MAPRE1: variants seen among roughly 807,000 people sequenced by gnomAD.
MAPRE1 encodes the protein microtubule associated protein RP/EB family member 1, also known as microtubule-associated protein RP/EB family member 1.
Under a neutral mutation model 32.1 loss-of-function variants are expected in MAPRE1, and 5 were observed. The ratio of observed to expected loss-of-function variants is 0.16; its 90% confidence interval spans 0.08 to 0.33. The LOEUF is 0.33. MAPRE1 is among the 10% of genes least tolerant of loss of function. MAPRE1 has a pLI of 1.00. For missense variants in MAPRE1, 209 were observed against 327.2 expected, an observed-to-expected ratio of 0.64 and a Z score of 2.79; for synonymous variants, 122 against 118.9, an observed-to-expected ratio of 1.03 and a Z score of -0.17.
chr20:32,828,189 G>T (rs887294011), intron 2 of MAPRE1, among the ~76,000 whole-genome samples: 3 of 151,958 alleles, frequency 2.0e-5, no homozygotes, highest in African/African-American at 7.3e-5. Flanking sequence ...TCTGTGCTGT[G>T]TCCCCCCCAC....
chr20:32,833,766 C>A lies in MAPRE1; in HGVS notation c.171C>A (p.Ala57=). 6.2e-7 allele frequency: 1 copy of A among 1,614,004 alleles called. No homozygotes were observed. Among genetic ancestry groups the A allele is most frequent in the Non-Finnish European group, 8.5e-7 (1 of 1,179,954 alleles). Residue 57 remains alanine, a synonymous_variant, in exon 3 of 7, where the codon GCC becomes GCA. Coordinates refer to ENST00000375571, the MANE Select transcript of MAPRE1 (RefSeq NM_012325.3). ...FMDMLFPGSI[A]LKKVKFQAKL... is the part of the protein sequence containing the mutation. ...ACATGCTGTTCCCTGGCTCCATTGC[C>A]TTGAAGAAAGTGAAATTCCAAGCTA...
intron 4 of MAPRE1, among the ~76,000 whole-genome samples, chr20:32,838,751 AG>A (rs1355402988): frequency 1.3e-5 from 2 of 152,228 alleles, no homozygotes; most frequent in Non-Finnish European, 2.9e-5. Context: ...ACGTGCATTA[AG>A]CATTTAGTCT....
In MAPRE1 at chr20:32,836,840, A is replaced by C; in HGVS notation, c.474A>C (p.Ala158=). 1 of 1,588,856 alleles carries C rather than the reference A, an allele frequency of 6.3e-7. No homozygotes were observed. Among genetic ancestry groups the C allele is most frequent in the Non-Finnish European group, 8.5e-7 (1 of 1,173,218 alleles). Reference sequence around the variant, plus strand: ...AGAAACCTCTCACTTCTAGCAGTGCAGGTAAAAAAACAACCCCAAAACGTT... The same window carrying C: ...AGAAACCTCTCACTTCTAGCAGTGCCGGTAAAAAAACAACCCCAAAACGTT... ...KPKKPLTSSS[A]APQRPISTQR... The change falls in exon 4 of 7, where the codon GCA becomes GCC. Residue 158 remains alanine, a splice_region_variant and synonymous_variant. Transcript: ENST00000375571.
At chr20:32,834,705 G>A (rs1983137039) in intron 3 of MAPRE1, among the ~76,000 whole-genome samples, 1 of 151,764 alleles carries the variant, frequency 6.6e-6, no homozygotes, top group Non-Finnish European at 1.5e-5. Flanking sequence ...TAACTTTCCA[G>A]GCATAGTTTA....
chr20:32,845,874 T>C (rs1017530860), intron 5 of MAPRE1, among the ~76,000 whole-genome samples: 2 of 152,206 alleles, frequency 1.3e-5, no homozygotes, highest in African/African-American at 4.8e-5. Flanking sequence ...GAGGTCGTTC[T>C]CAGTGGCTGT....
intron 5 of MAPRE1, among the ~76,000 whole-genome samples, chr20:32,845,284 T>C (rs1189678362): frequency 6.6e-6 from 1 of 152,132 alleles, no homozygotes; most frequent in East Asian, 1.9e-4. Context: ...CAAGCGATCC[T>C]CTCACCTTGA....
chr20:32,839,510 A>G (rs1439803330), intron 4 of MAPRE1, among the ~76,000 whole-genome samples: 1 of 152,180 alleles, frequency 6.6e-6, no homozygotes, highest in East Asian at 1.9e-4. Context: ...CCAGCATGAA[A>G]CATCATGACA....
At chr20:32,838,994 A>T (rs1983277789) in intron 4 of MAPRE1, among the ~76,000 whole-genome samples, 1 of 151,862 alleles carries the variant, frequency 6.6e-6, no homozygotes, top group African/African-American at 2.4e-5. Context: ...TGGCTCCTTT[A>T]CTCCTTTTTT....
chr20:32,839,306 A>G (rs142970497), intron 4 of MAPRE1, among the ~76,000 whole-genome samples: 4 of 152,330 alleles, frequency 2.6e-5, no homozygotes, highest in South Asian at 2.1e-4. Flanking sequence ...CCTTTGCTCT[A>G]CGAAGCTGGA....
intron 5 of MAPRE1, among the ~76,000 whole-genome samples, chr20:32,845,013 A>G (rs1276582447): frequency 7.4e-6 from 1 of 134,872 alleles, no homozygotes; most frequent in Non-Finnish European, 1.5e-5. Flanking sequence ...GTATGTATGT[A>G]TGTATGTATG....
chr20:32,822,643 A>T (rs1253654485), intron 1 of MAPRE1, among the ~76,000 whole-genome samples: 1 of 152,148 alleles, frequency 6.6e-6, no homozygotes, highest in Non-Finnish European at 1.5e-5. Context: ...GACCCTTTTC[A>T]GATAGGTGGC....
At chr20:32,832,294 G>A (rs113762627) in intron 2 of MAPRE1, among the ~76,000 whole-genome samples, 37 of 152,216 alleles carry the variant, frequency 2.4e-4, no homozygotes, top group Middle Eastern at 3.4e-3. Context: ...GGGCAGTAAA[G>A]TACACAGTGA....
intron 5 of MAPRE1, among the ~76,000 whole-genome samples, chr20:32,842,249 C>A (rs6058906): frequency 0.023 from 3,479 of 152,148 alleles, 56 homozygotes; most frequent in South Asian, 0.044. Context: ...CCACGCCTGG[C>A]TAAGTTTTTG....
At chr20:32,831,197 A>T (rs1375430025) in intron 2 of MAPRE1, among the ~76,000 whole-genome samples, 1 of 152,094 alleles carries the variant, frequency 6.6e-6, no homozygotes, top group Non-Finnish European at 1.5e-5. Flanking sequence ...GTAATCCAGC[A>T]CTTTGGGAGG....
intron 2 of MAPRE1, among the ~76,000 whole-genome samples, chr20:32,833,199 C>CGAAAA (rs891962262): frequency 2.1e-3 from 322 of 151,134 alleles, no homozygotes; most frequent in African/African-American, 7.2e-3. Context: ...GACCCTGTTT[C>CGAAAA]GAAAAGAAAA....
intron 1 of MAPRE1, among the ~76,000 whole-genome samples, chr20:32,824,577 A>G (rs1255997019): frequency 6.6e-6 from 1 of 152,236 alleles, no homozygotes; most frequent in African/African-American, 2.4e-5. Flanking sequence ...TCTGCAGAGA[A>G]TTAACTACAA....
At chr20:32,829,427 A>G (rs1982957543) in intron 2 of MAPRE1, among the ~76,000 whole-genome samples, 1 of 152,232 alleles carries the variant, frequency 6.6e-6, no homozygotes, top group African/African-American at 2.4e-5. Flanking sequence ...TCTTGCTTCC[A>G]GTATGAGAGC....
At chr20:32,838,882 A>T (rs903104455) in intron 4 of MAPRE1, among the ~76,000 whole-genome samples, 1 of 152,238 alleles carries the variant, frequency 6.6e-6, no homozygotes, top group African/African-American at 2.4e-5. Context: ...CTGGCATGTA[A>T]TATGCAAACT....
intron 1 of MAPRE1, among the ~76,000 whole-genome samples, chr20:32,825,299 G>A (rs1327767378): frequency 6.6e-6 from 1 of 152,108 alleles, no homozygotes; most frequent in Non-Finnish European, 1.5e-5. Flanking sequence ...CATCATAAAA[G>A]CACTTACTCA....
Sources: allele counts gnomAD v4.1 joint callset (sites outside exome capture counted in the v4.1 genomes callset), GRCh38; gene constraint gnomAD v4.1.1; transcripts MANE v1.5; gene names NCBI Gene and HGNC (gene_info 2026-07-23, HGNC 2026-07-21).